The following RRP36 variants were observed in gnomAD, a reference collection of about 807,000 sequenced individuals.
The protein encoded by RRP36 is ribosomal RNA processing 36.
Under a neutral mutation model 39.8 loss-of-function variants are expected in RRP36, and 44 were observed. The observed-to-expected ratio is 1.10, with a 90% CI of 0.87 to 1.42. The LOEUF is 1.42. Among genes scored for constraint, RRP36 ranks in the 40% most tolerant of loss-of-function variants. The pLI, the probability that RRP36 is intolerant of heterozygous loss-of-function variation, is 0.00. For missense variants in RRP36, 316 were observed against 322.4 expected (o/e 0.98, Z 0.15); for synonymous variants, 124 against 123.1 (o/e 1.01, Z -0.05).
intron 6 of RRP36, 60 bp from the exon 7 acceptor site, chr6:43,029,022 CTGACCTGGTT>C: frequency 6.3e-7 from 1 of 1,590,646 alleles, no homozygotes; most frequent in East Asian, 2.2e-5. Flanking sequence ...CTTGGAGTTA[CTGACCTGGTT>C]TGGGAAAGAA....
Position 43,029,535 on chromosome 6 carries a change from G to C in RRP36, c.*307G>C, listed in dbSNP as rs1360279765. 1 of 274,158 alleles carries C rather than the reference G, an allele frequency of 3.6e-6. No homozygotes were observed. The highest frequency in any genetic ancestry group is 6.8e-5 in the East Asian group (1 of 14,714). 17.0% of individuals were successfully genotyped at this position (274,158 alleles called of 1,614,324 possible). On this transcript the variant is annotated 3_prime_UTR_variant, in exon 7 of 7. Coordinates refer to ENST00000244496, the MANE Select transcript of RRP36 (RefSeq NM_033112.4). ...GGGGCCAATGAAAACCATGGAGTCT[G>C]TTCGTGACTCCCAGGGCTGGGACAT...
Position 43,025,302 on chromosome 6 carries a change from A to G in RRP36, c.318A>G (p.Leu106=). ...EMSAKIRVPF[L]RQVVPISKKV... ...CAGCCAAGATCCGAGTACCATTTTT[A>G]CGTCAGGTTGTTCCCATTAGTAAAA... The change falls in exon 3 of 7, where the codon TTA becomes TTG. Residue 106 remains leucine (L), a synonymous_variant. Transcript: ENST00000244496. The G allele has an allele frequency of 6.2e-7, 1 of 1,613,974 alleles. No individual in the cohort carries two copies. Among genetic ancestry groups the G allele is most frequent in the Non-Finnish European group, 8.5e-7 (1 of 1,180,012 alleles).
At position 43,025,276 on chromosome 6, in the gene RRP36, T is replaced by A. The variant is rs769137460; in HGVS notation, c.292T>A (p.Ser98Thr). 6.2e-7 allele frequency: 1 copy of A among 1,614,192 alleles called. No individual in the cohort carries two copies. ...ATTTCTCCATAGGCCTCTGGAAATG[T>A]CAGCCAAGATCCGAGTACCATTTTT... ...VADKHRPLEM[S>T]AKIRVPFLRQ... Residue 98 changes from serine (S) to threonine (T), a missense_variant, in exon 3 of 7, where the codon TCA (serine) becomes ACA (threonine). By Grantham distance (58) the Ser-to-Thr change is moderately conservative (BLOSUM62 1). Transcript: ENST00000244496.
chr6:43,027,129 G>T lies in RRP36; in HGVS notation c.451-49G>T, dbSNP rs753507922. Reference sequence around the variant, plus strand: ...GGATAATGCTTTACATAAAATTTCAGCTAACATTTGCAGAATGCTAACCAT... The same window carrying T: ...GGATAATGCTTTACATAAAATTTCATCTAACATTTGCAGAATGCTAACCAT... On this transcript the variant is annotated intron_variant, in intron 4 of 6. Coordinates refer to ENST00000244496, the MANE Select transcript of RRP36 (RefSeq NM_033112.4). 1.8e-5 allele frequency: 27 copies of T among 1,537,596 alleles called. No homozygotes were observed. Among genetic ancestry groups the T allele is most frequent in the Non-Finnish European group, 2.3e-5 (26 of 1,113,198 alleles).
intron 6 of RRP36, among the ~76,000 whole-genome samples, chr6:43,028,734 T>G (rs754519220): frequency 4.0e-5 from 6 of 150,802 alleles, no homozygotes; most frequent in Non-Finnish European, 7.4e-5. Flanking sequence ...GCGGATCACC[T>G]GAGGTCAGGA....
At chr6:43,026,570 G>A (rs1762816262) in intron 4 of RRP36, among the ~76,000 whole-genome samples, 1 of 151,984 alleles carries the variant, frequency 6.6e-6, no homozygotes, top group African/African-American at 2.4e-5. Flanking sequence ...CTACTCAAGA[G>A]GCTGAGGCAT....
At chr6:43,027,780 C>A (rs1762843481) in intron 6 of RRP36, among the ~76,000 whole-genome samples, 1 of 135,356 alleles carries the variant, frequency 7.4e-6, no homozygotes, top group Non-Finnish European at 1.5e-5. Context: ...CACACACACA[C>A]ACACACACAC....
chr6:43,023,072 T>G (rs1469334569), intron 1 of RRP36, among the ~76,000 whole-genome samples: 4 of 152,132 alleles, frequency 2.6e-5, no homozygotes, highest in African/African-American at 4.8e-5. Flanking sequence ...CAGTTCTAGC[T>G]GCTGGAGATA....
chr6:43,023,949 C>T (rs1762769829), intron 1 of RRP36, among the ~76,000 whole-genome samples: 1 of 151,436 alleles, frequency 6.6e-6, no homozygotes, highest in Non-Finnish European at 1.5e-5. Flanking sequence ...CTCTGCCTCC[C>T]AGGTTCAAGC....
chr6:43,021,696 C>A lies in RRP36; in HGVS notation c.42C>A (p.Ala14=), dbSNP rs564567932. Residue 14 remains alanine (A), a synonymous_variant, in exon 1 of 7, where the codon GCC becomes GCA. Transcript: ENST00000244496. ...ACCGCGCCGGGGCCGGGGCCGGGGC[C>A]GGGGCCCGACGTCCCCGCGGGGCCC... is the stretch of plus-strand genomic sequence containing the variant. ...ANYRAGAGAG[A]GARRPRGARD... is the part of the protein sequence containing the mutation. 882 of 1,174,320 alleles carry A rather than the reference C, an allele frequency of 7.5e-4. 5 individuals are homozygous for A. In the African/African-American group the frequency reaches 0.013, roughly 17 times the overall value. 72.7% of individuals were successfully genotyped at this position (1,174,320 alleles called of 1,614,324 possible).
intron 5 of RRP36, 25 bp downstream of exon 5, chr6:43,027,277 G>GT (rs1422942093): frequency 1.9e-6 from 3 of 1,612,672 alleles, no homozygotes; most frequent in Non-Finnish European, 2.5e-6. Flanking sequence ...ATTGTGGTGG[G>GT]TAATGAAAGC....
At chr6:43,028,186 C>T (rs1159870729) in intron 6 of RRP36, among the ~76,000 whole-genome samples, 1 of 151,178 alleles carries the variant, frequency 6.6e-6, no homozygotes, top group Non-Finnish European at 1.5e-5. Context: ...AAAAAATTAG[C>T]CGGGCCTGGT....
intron 4 of RRP36, 86 bp from the exon 5 acceptor site, chr6:43,027,092 G>A: frequency 1.7e-6 from 2 of 1,208,370 alleles, no homozygotes; most frequent in Non-Finnish European, 2.4e-6. Context: ...GTGTATGTGT[G>A]TGAACTTCTT....
intron 1 of RRP36, among the ~76,000 whole-genome samples, 157 bp downstream of exon 1, chr6:43,021,941 G>A (rs984581851): frequency 2.0e-5 from 3 of 152,152 alleles, no homozygotes; most frequent in Non-Finnish European, 4.4e-5. Flanking sequence ...GGGGGTGAGA[G>A]TAGATGCTTC....
chr6:43,027,906 A>G (rs748824513), intron 6 of RRP36, among the ~76,000 whole-genome samples: 4 of 132,844 alleles, frequency 3.0e-5, no homozygotes, highest in Non-Finnish European at 4.6e-5. Context: ...CTCTTGGTCT[A>G]CACACACACA....
chr6:43,021,785 G>T lies in RRP36; in HGVS notation c.130+1G>T. ...GCCGTGGCCCGCGACCTATTGAGGGGTGAGGGCATGGGGCAGGGCGGGCTG... is the reference window on the plus strand; with the variant it reads ...GCCGTGGCCCGCGACCTATTGAGGGTTGAGGGCATGGGGCAGGGCGGGCTG... On this transcript the variant is annotated splice_donor_variant, in intron 1 of 6. Coordinates refer to ENST00000244496, the MANE Select transcript of RRP36 (RefSeq NM_033112.4). LOFTEE classifies it high-confidence loss of function. 1 of 1,153,560 alleles carries T rather than the reference G, an allele frequency of 8.7e-7. No individual in the cohort carries two copies. The highest frequency in any genetic ancestry group is 4.4e-5 in the Admixed American group (1 of 22,482). 71.5% of individuals were successfully genotyped at this position (1,153,560 alleles called of 1,614,324 possible).
rs1762868912 is a variant in RRP36 at position 43,029,140 on chromosome 6, G to A, written c.692G>A (p.Arg231His). ...ALAEKFKELK[R>H]SKKLENFLSR... is the part of the protein sequence containing the mutation. ...GCTGAGAAGTTCAAGGAGCTGAAAC[G>A]CAGCAAGAAATTGGAGAACTTCTTG... The change falls in exon 7 of 7, where the codon CGC becomes CAC. Residue 231 changes from arginine (R) to histidine (H), a missense_variant. By Grantham distance (29) the Arg-to-His change is conservative (BLOSUM62 0). Transcript: ENST00000244496. 1 of 1,614,212 alleles carries A rather than the reference G, an allele frequency of 6.2e-7. No homozygotes were observed. Among genetic ancestry groups the A allele is most frequent in the South Asian group, 1.1e-5 (1 of 91,080 alleles).
chr6:43,024,516 T>C (rs1169343135), intron 1 of RRP36, among the ~76,000 whole-genome samples: 1 of 152,152 alleles, frequency 6.6e-6, no homozygotes. Context: ...GATCTGATTT[T>C]ATTTTCGATG....
At chr6:43,021,894 C>A in intron 1 of RRP36, 110 bp downstream of exon 1, 1 of 823,094 alleles carries the variant, frequency 1.2e-6, no homozygotes, top group Non-Finnish European at 1.6e-6. Flanking sequence ...AAGAGGCAGA[C>A]GCTACACTAG....
Sources: gnomAD v4.1 joint callset for allele counts (sites outside exome capture counted in the v4.1 genomes callset) on GRCh38, gnomAD v4.1.1 for gene constraint, MANE v1.5 for transcripts, NCBI Gene and HGNC (gene_info 2026-07-23, HGNC 2026-07-21) for gene names.